Variants in CTNNA3 observed in about 807,000 individuals in gnomAD.
CTNNA3 encodes the protein catenin alpha 3, also known as catenin alpha-3.
A neutral mutation model predicts 95.7 loss-of-function variants in CTNNA3; 76 were observed. The observed-to-expected ratio is 0.79, with a 90% CI of 0.66 to 0.96. The LOEUF (loss-of-function observed/expected upper bound fraction) is 0.96. Ranked by LOEUF, CTNNA3 falls within the 40% of genes least tolerant of loss-of-function variation. CTNNA3 has a pLI of 0.00. For synonymous variants in CTNNA3, 431 were observed against 374.4 expected (o/e 1.15, Z -1.74); for missense variants, 1,191 against 1,089.8 (o/e 1.09, Z -1.31).
intron 12 of CTNNA3, among the ~76,000 whole-genome samples, chr10:66,369,458 A>G (rs917747521): frequency 1.3e-5 from 2 of 152,046 alleles, no homozygotes; most frequent in African/African-American, 4.8e-5. Flanking sequence ...CCTTTAGTCA[A>G]GCAATCTTTC....
At chr10:66,005,465 G>T (rs1025305777) in intron 15 of CTNNA3, among the ~76,000 whole-genome samples, 1 of 152,092 alleles carries the variant, frequency 6.6e-6, no homozygotes, top group South Asian at 2.1e-4. Context: ...CAGTGAAAGG[G>T]TCAGGTTCTT....
intron 13 of CTNNA3, among the ~76,000 whole-genome samples, chr10:66,252,778 A>G (rs2090612490): frequency 1.3e-5 from 2 of 152,154 alleles, no homozygotes; most frequent in Admixed American, 1.3e-4. Context: ...TTGAAAAGGA[A>G]CCATCGGAGG....
intron 9 of CTNNA3, among the ~76,000 whole-genome samples, chr10:66,685,207 G>GTA (rs33983880): frequency 4.4e-4 from 26 of 59,468 alleles, no homozygotes; most frequent in South Asian, 1.4e-3. Flanking sequence ...ATATATATAC[G>GTA]TATATATATG....
intron 11 of CTNNA3, among the ~76,000 whole-genome samples, chr10:66,448,842 AAAAT>A (rs1013158532): frequency 3.9e-5 from 6 of 151,966 alleles, no homozygotes; most frequent in African/African-American, 1.2e-4. Flanking sequence ...ATAAAATTAA[AAAAT>A]AAATAAATAA....
intron 7 of CTNNA3, chr10:67,055,016 C>T (rs1337331343): frequency 6.6e-6 from 1 of 151,650 alleles, no homozygotes; most frequent in Non-Finnish European, 1.5e-5. Context: ...TAGCTGACTT[C>T]GTTATAAAGA....
intron 11 of CTNNA3, among the ~76,000 whole-genome samples, chr10:66,388,260 T>A (rs975301224): frequency 3.9e-5 from 6 of 152,134 alleles, no homozygotes; most frequent in Admixed American, 6.6e-5. Context: ...AGTGAAAGAA[T>A]ATTTACAGTA....
At chr10:66,411,470 A>G (rs2093104963) in intron 11 of CTNNA3, among the ~76,000 whole-genome samples, 1 of 151,972 alleles carries the variant, frequency 6.6e-6, no homozygotes, top group Admixed American at 6.6e-5. Context: ...TTGTCAATAT[A>G]GTAATTATGA....
At chr10:66,012,674 C>T (rs2079027147) in intron 15 of CTNNA3, among the ~76,000 whole-genome samples, 1 of 152,118 alleles carries the variant, frequency 6.6e-6, no homozygotes, top group African/African-American at 2.4e-5. Flanking sequence ...ACTTGATGGT[C>T]AATTAGTCTG....
intron 9 of CTNNA3, among the ~76,000 whole-genome samples, chr10:66,685,283 A>G (rs868194570): frequency 2.2e-4 from 6 of 27,412 alleles, no homozygotes; most frequent in Admixed American, 7.1e-4. Flanking sequence ...ACGTATATAT[A>G]AGTATATATA....
At chr10:66,934,181 A>G (rs1006425909) in intron 7 of CTNNA3, among the ~76,000 whole-genome samples, 2 of 151,692 alleles carry the variant, frequency 1.3e-5, no homozygotes, top group Non-Finnish European at 2.9e-5. Context: ...CATTTTATTG[A>G]AAAAAAAGAA....
chr10:66,781,910 G>C (rs954188679), intron 7 of CTNNA3, among the ~76,000 whole-genome samples: 3 of 152,246 alleles, frequency 2.0e-5, no homozygotes, highest in Non-Finnish European at 4.4e-5. Context: ...GCCTCTGGAG[G>C]ACACACAGTA....
chr10:66,551,896 C>CTTTTTTTTTTTTTTTTTT (rs141885331), intron 10 of CTNNA3, among the ~76,000 whole-genome samples: 1 of 113,964 alleles, frequency 8.8e-6, no homozygotes, highest in African/African-American at 3.2e-5. Context: ...TTTTCTTTTC[C>CTTTTTTTTTTTTTTTTTT]TTTTTTTTTT....
chr10:66,241,505 A>G (rs1273091203), intron 13 of CTNNA3, among the ~76,000 whole-genome samples: 1 of 152,210 alleles, frequency 6.6e-6, no homozygotes, highest in Non-Finnish European at 1.5e-5. Context: ...CCTTAGGAGA[A>G]TATAATCGGA....
chr10:66,141,689 C>T (rs4387239), intron 13 of CTNNA3, among the ~76,000 whole-genome samples: 22,977 of 150,998 alleles, frequency 0.15, 2,160 homozygotes, highest in Middle Eastern at 0.22. Context: ...TTTATATAAA[C>T]GATAAATAAT....
chr10:67,616,064 T>C (rs980324491), intron 2 of CTNNA3, among the ~76,000 whole-genome samples: 2 of 152,140 alleles, frequency 1.3e-5, no homozygotes, highest in African/African-American at 4.8e-5. Context: ...AGGGAAAGCA[T>C]CTCTGATTAA....
chr10:66,428,781 A>C (rs1388658300), intron 11 of CTNNA3, among the ~76,000 whole-genome samples: 3 of 152,086 alleles, frequency 2.0e-5, no homozygotes, highest in Non-Finnish European at 4.4e-5. Flanking sequence ...TATAGCACTA[A>C]ATGCCCACAA....
Position 67,539,563 on chromosome 10 carries a change from C to T in CTNNA3, c.399G>A (p.Thr133=), listed in dbSNP as rs150376558. 1.1e-4 allele frequency: 179 copies of T among 1,613,844 alleles called. 1 individual carries two copies. In the East Asian group the frequency reaches 2.0e-3, roughly 18 times the overall value. ...TCATGTCCGCAAGGATAAGGAGTCT[C>T]GTCACCGCAGCCAGCAAGGCACGGG... ...QAARALLAAV[T]RLLILADMID... The change falls in exon 4 of 18, where the codon ACG becomes ACA. Residue 133 remains threonine (T), a synonymous_variant. Transcript: ENST00000433211.
chr10:67,723,634 C>T (rs970247971), intron 1 of CTNNA3, among the ~76,000 whole-genome samples: 1 of 152,156 alleles, frequency 6.6e-6, no homozygotes, highest in African/African-American at 2.4e-5. Flanking sequence ...CCACAAGACC[C>T]ATGATCCTAA....
intron 5 of CTNNA3, among the ~76,000 whole-genome samples, chr10:67,431,216 T>C (rs745544723): frequency 3.1e-4 from 47 of 152,154 alleles, no homozygotes; most frequent in Middle Eastern, 3.4e-3. Context: ...GTACATCCCA[T>C]GCCTGAAATG....
Sources: allele counts gnomAD v4.1 joint callset (sites outside exome capture counted in the v4.1 genomes callset), GRCh38; gene constraint gnomAD v4.1.1; transcripts MANE v1.5; gene names NCBI Gene and HGNC (gene_info 2026-07-23, HGNC 2026-07-21).